RBFOX1: variants seen among roughly 807,000 people sequenced by gnomAD.
RBFOX1 encodes the protein RNA binding protein fox-1 homolog 1.
Under a neutral mutation model 57.7 loss-of-function variants are expected in RBFOX1, and 8 were observed. The observed-to-expected ratio is 0.14, with a 90% CI of 0.08 to 0.25. The LOEUF is 0.25. Ranked by LOEUF, RBFOX1 falls within the 10% of genes least tolerant of loss-of-function variation. The pLI is 1.00. For synonymous variants in RBFOX1, 326 were observed against 222.4 expected (o/e 1.47, Z -4.15); for missense variants, 611 against 548.5 (o/e 1.11, Z -1.14).
chr16:5,608,014 C>G (rs1251940589), intron 3 of RBFOX1, among the ~76,000 whole-genome samples: 1 of 152,180 alleles, frequency 6.6e-6, no homozygotes, highest in Non-Finnish European at 1.5e-5. Context: ...ACTCATTTAT[C>G]TGGGGAATAT....
chr16:5,658,550 G>A (rs1383917350), intron 3 of RBFOX1, among the ~76,000 whole-genome samples: 4 of 151,920 alleles, frequency 2.6e-5, no homozygotes, highest in African/African-American at 9.7e-5. Flanking sequence ...GGTATTACCT[G>A]GAATACCCAG....
At chr16:7,548,938 C>G (rs888485817) in intron 5 of RBFOX1, among the ~76,000 whole-genome samples, 9 of 152,294 alleles carry the variant, frequency 5.9e-5, no homozygotes, top group African/African-American at 2.2e-4. Flanking sequence ...GTTGAACATG[C>G]AGACCAAGGA....
intron 1 of RBFOX1, among the ~76,000 whole-genome samples, chr16:5,410,437 C>G (rs115476380): frequency 0.011 from 1,678 of 151,984 alleles, 41 homozygotes; most frequent in African/African-American, 0.039. Flanking sequence ...GGTTTCCCAA[C>G]AAAGAAAAGT....
At chr16:6,874,965 G>C (rs1187732352) in intron 3 of RBFOX1, among the ~76,000 whole-genome samples, 1 of 152,156 alleles carries the variant, frequency 6.6e-6, no homozygotes, top group African/African-American at 2.4e-5. Flanking sequence ...AAGAAGCTTG[G>C]CTTCATAACC....
chr16:5,374,313 GA>G (rs2065934164), intron 1 of RBFOX1, among the ~76,000 whole-genome samples: 1 of 152,236 alleles, frequency 6.6e-6, no homozygotes, highest in African/African-American at 2.4e-5. Flanking sequence ...CTGAGATAAA[GA>G]GGCCTGGAAG....
At chr16:6,611,485 C>G (rs565533936) in intron 2 of RBFOX1, among the ~76,000 whole-genome samples, 1 of 152,136 alleles carries the variant, frequency 6.6e-6, no homozygotes, top group African/African-American at 2.4e-5. Flanking sequence ...CTGTTTCCCT[C>G]GGAGAGGTCT....
chr16:5,337,463 CT>C (rs1364942991), intron 1 of RBFOX1, among the ~76,000 whole-genome samples: 1 of 152,036 alleles, frequency 6.6e-6, no homozygotes, highest in Non-Finnish European at 1.5e-5. Flanking sequence ...TATTTTTTTC[CT>C]AAGTAAATGC....
At chr16:6,317,323 T>A (rs1425462330) in intron 2 of RBFOX1, among the ~76,000 whole-genome samples, 1 of 152,156 alleles carries the variant, frequency 6.6e-6, no homozygotes, top group African/African-American at 2.4e-5. Context: ...TAGCTGGGGA[T>A]TAAAATAAAA....
At chr16:6,457,217 A>G (rs1307891250) in intron 2 of RBFOX1, among the ~76,000 whole-genome samples, 1 of 152,218 alleles carries the variant, frequency 6.6e-6, no homozygotes, top group Non-Finnish European at 1.5e-5. Flanking sequence ...ACCAGTAGCT[A>G]GAGATGTCAG....
chr16:6,362,256 GT>G (rs2088702298), intron 2 of RBFOX1, among the ~76,000 whole-genome samples: 1 of 151,766 alleles, frequency 6.6e-6, no homozygotes, highest in Non-Finnish European at 1.5e-5. Context: ...AAACACTGCT[GT>G]TTCTAATGCC....
chr16:5,758,461 C>G (rs758505907), intron 3 of RBFOX1, among the ~76,000 whole-genome samples: 1 of 152,142 alleles, frequency 6.6e-6, no homozygotes, highest in East Asian at 1.9e-4. Flanking sequence ...CAATTAACCC[C>G]AAAGCGCAGC....
intron 1 of RBFOX1, among the ~76,000 whole-genome samples, chr16:5,335,202 GTTCT>G (rs60962623): frequency 0.9 from 136,950 of 152,032 alleles, 63,446 homozygotes; most frequent in East Asian, 1. Flanking sequence ...AAAAAATTGG[GTTCT>G]TTATCTTTTT....
At chr16:7,565,538 C>A (rs556859197) in intron 5 of RBFOX1, among the ~76,000 whole-genome samples, 1 of 152,126 alleles carries the variant, frequency 6.6e-6, no homozygotes, top group Non-Finnish European at 1.5e-5. Context: ...ATTCACTCGG[C>A]GCCCAGCATT....
chr16:7,337,650 C>T (rs2096816840), intron 4 of RBFOX1, among the ~76,000 whole-genome samples: 1 of 152,116 alleles, frequency 6.6e-6, no homozygotes, highest in Admixed American at 6.6e-5. Flanking sequence ...ATCCATGACT[C>T]ACGCAGGTGA....
At chr16:7,086,370 T>C (rs566898399) in intron 4 of RBFOX1, among the ~76,000 whole-genome samples, 2 of 152,306 alleles carry the variant, frequency 1.3e-5, no homozygotes, top group African/African-American at 4.8e-5. Context: ...TCTCCCCTTC[T>C]GTACATTGTA....
rs374138178 is a variant in RBFOX1, at chr16:5,697,532, A to ATTTTTTTT, written c.318+98573_318+98574insTTTTTTTT. Among the ~76,000 whole-genome samples, 6 of 133,966 alleles carry ATTTTTTTT rather than the reference A, an allele frequency of 4.5e-5. 2 individuals carry two copies. The highest frequency in any genetic ancestry group is 6.3e-5 in the Non-Finnish European group (4 of 63,834). 87.9% of individuals were successfully genotyped at this position (133,966 alleles called of 152,430 possible). On this transcript the variant is annotated intron_variant, in intron 3 of 19. Transcript: ENST00000641259. ...GTTGTGGGCTTTTCTTTTCTTTTCT[A>ATTTTTTTT]TTCTTTTTTTTTTTTTTTTGAGATA...
Position 5,827,912 on chromosome 16 carries a change from T to TCCATCCACCCATCCACCCAC in RBFOX1, c.319-39379_319-39360dup, listed in dbSNP as rs1567595062. On this transcript the variant is annotated intron_variant, in intron 3 of 19. Transcript: ENST00000641259. ...ATCCATCCATCCATCCATCCATCCATCCATCCACCCATCCACCCACCCATC... is the reference window on the plus strand; with the variant it reads ...ATCCATCCATCCATCCATCCATCCATCCATCCACCCATCCACCCACCCATCCACCCATCCACCCACCCATC... 5.0e-3 allele frequency among the ~76,000 whole-genome samples: 652 copies of TCCATCCACCCATCCACCCAC among 130,494 alleles called. 14 individuals are homozygous for TCCATCCACCCATCCACCCAC. The highest frequency in any genetic ancestry group is 0.024 in the African/African-American group (603 of 25,498). The allele number at this position is 130,494 out of a possible 152,430, so 85.6% of individuals were successfully genotyped here. A position where few individuals can be genotyped will look rare whatever the true frequency, so the allele number is the denominator to read the frequency against.
At chr16:6,572,141 C>G (rs1362365430) in intron 2 of RBFOX1, among the ~76,000 whole-genome samples, 2 of 152,124 alleles carry the variant, frequency 1.3e-5, no homozygotes, top group African/African-American at 2.4e-5. Context: ...TCATTGTCAT[C>G]TCATTCTTTT....
intron 1 of RBFOX1, among the ~76,000 whole-genome samples, chr16:6,069,495 C>G (rs1356779418): frequency 6.6e-6 from 1 of 151,660 alleles, no homozygotes. Context: ...TTCCCCATGT[C>G]ATGCCAACAG....
Sources: gnomAD v4.1 joint callset for allele counts (sites outside exome capture counted in the v4.1 genomes callset) on GRCh38, gnomAD v4.1.1 for gene constraint, MANE v1.5 for transcripts, NCBI Gene and HGNC (gene_info 2026-07-23, HGNC 2026-07-21) for gene names.